SCFD2: variants seen among roughly 807,000 people sequenced by gnomAD.
SCFD2 encodes sec1 family domain containing 2.
SCFD2 carries 54 observed loss-of-function variants against 58.9 expected under a neutral mutation model. The observed-to-expected ratio is 0.92, with a 90% CI of 0.74 to 1.15. The LOEUF is 1.15. Ranked by LOEUF, SCFD2 falls within the 50% of genes most tolerant of loss-of-function variation. The pLI, the probability that SCFD2 is intolerant of heterozygous loss-of-function variation, is 0.00. For synonymous variants in SCFD2, 321 were observed against 335.9 expected (o/e 0.96, Z 0.49); for missense variants, 805 against 836.6 (o/e 0.96, Z 0.47).
In SCFD2 at chr4:52,901,880, C is replaced by T. The variant is rs114389626; in HGVS notation, c.1842+5577G>A. On this transcript the variant is annotated intron_variant, in intron 7 of 8. Coordinates refer to ENST00000401642, the MANE Select transcript of SCFD2 (RefSeq NM_152540.4). ...TCCAGCTACCCTGACTTTCCTATCG[C>T]AGAGGATTTGTTTGATGCAGATAAT... Among the ~76,000 whole-genome samples, 1,196 of 152,316 alleles carry T rather than the reference C, an allele frequency of 7.9e-3. 13 individuals are homozygous for T. Among genetic ancestry groups the T allele is most frequent in the African/African-American group, 0.025 (1,056 of 41,568 alleles).
At chr4:53,201,054 A>C (rs1230448943) in intron 4 of SCFD2, among the ~76,000 whole-genome samples, 1 of 151,740 alleles carries the variant, frequency 6.6e-6, no homozygotes, top group Non-Finnish European at 1.5e-5. Context: ...TTTAAGTTTT[A>C]GGGCACACGT....
chr4:52,899,841 G>A (rs1719136115), intron 7 of SCFD2, among the ~76,000 whole-genome samples: 1 of 152,134 alleles, frequency 6.6e-6, no homozygotes, highest in Non-Finnish European at 1.5e-5. Context: ...TGGAGGCTTT[G>A]TTCATTTCTT....
At chr4:53,122,599 A>C (rs1448329177) in intron 5 of SCFD2, among the ~76,000 whole-genome samples, 1 of 152,214 alleles carries the variant, frequency 6.6e-6, no homozygotes, top group East Asian at 1.9e-4. Context: ...ATTAGTAGGC[A>C]ATACACGCAG....
intron 5 of SCFD2, among the ~76,000 whole-genome samples, chr4:53,132,993 G>A (rs867179255): frequency 1.3e-5 from 2 of 152,138 alleles, no homozygotes; most frequent in African/African-American, 4.8e-5. Context: ...AATAAGGGAA[G>A]CATAAGAGGA....
chr4:53,085,696 A>T, intron 5 of SCFD2, among the ~76,000 whole-genome samples: 1 of 152,164 alleles, frequency 6.6e-6, no homozygotes, highest in East Asian at 1.9e-4. Flanking sequence ...CACATAGACC[A>T]ATGAAACATA....
chr4:53,229,230 A>T (rs918622158), intron 4 of SCFD2, among the ~76,000 whole-genome samples: 46 of 152,342 alleles, frequency 3.0e-4, no homozygotes, highest in African/African-American at 8.9e-4. Context: ...CATCCCCATC[A>T]AGCTACCAAT....
chr4:53,067,465 C>A (rs1425587589), intron 5 of SCFD2, among the ~76,000 whole-genome samples: 4 of 151,960 alleles, frequency 2.6e-5, no homozygotes, highest in Admixed American at 1.3e-4. Flanking sequence ...TGTGTCCCCA[C>A]CCAAATCTCA....
intron 2 of SCFD2, among the ~76,000 whole-genome samples, chr4:53,342,424 T>C (rs2149148848): frequency 6.6e-6 from 1 of 152,304 alleles, no homozygotes; most frequent in East Asian, 1.9e-4. Flanking sequence ...TAAATATATA[T>C]GCACCCAATA....
intron 8 of SCFD2, among the ~76,000 whole-genome samples, chr4:52,876,805 T>G (rs1406778055): frequency 6.6e-6 from 1 of 151,004 alleles, no homozygotes. Flanking sequence ...AGAAATCTTT[T>G]TAAATGTACA....
chr4:53,264,388 C>T (rs977593420), intron 4 of SCFD2, among the ~76,000 whole-genome samples: 1 of 152,202 alleles, frequency 6.6e-6, no homozygotes, highest in Non-Finnish European at 1.5e-5. Context: ...CCACACACTG[C>T]TCTGAGTGGG....
chr4:53,336,375 G>C (rs1328296371), intron 2 of SCFD2, among the ~76,000 whole-genome samples: 1 of 152,082 alleles, frequency 6.6e-6, no homozygotes, highest in South Asian at 2.1e-4. Flanking sequence ...ACTGCTTTTA[G>C]AGTAAAAGAA....
In SCFD2 at chr4:53,043,926, A is replaced by G. The variant is rs368677612; in HGVS notation, c.1561+101407T>C. Reference sequence around the variant, plus strand: ...CTGATTATTTGCTTCCTGTGTTTCAATAGTAAAACATGTCACAGTTAATGT... The same window carrying G: ...CTGATTATTTGCTTCCTGTGTTTCAGTAGTAAAACATGTCACAGTTAATGT... On this transcript the variant is annotated intron_variant, in intron 5 of 8. Transcript: ENST00000401642. 3.9e-5 allele frequency among the ~76,000 whole-genome samples: 6 copies of G among 152,266 alleles called. No individual in the cohort carries two copies. In the East Asian group the frequency reaches 5.8e-4, roughly 15 times the overall value.
intron 5 of SCFD2, among the ~76,000 whole-genome samples, chr4:53,130,813 G>C (rs1725766292): frequency 6.6e-6 from 1 of 152,174 alleles, no homozygotes. Context: ...TGATAGGAAA[G>C]GATGAGGTCG....
chr4:52,959,927 T>TACACACACAC (rs773748716), intron 5 of SCFD2, among the ~76,000 whole-genome samples: 8 of 116,030 alleles, frequency 6.9e-5, no homozygotes, highest in Non-Finnish European at 7.1e-5. Context: ...CACACACACT[T>TACACACACAC]GAATCACCTA....
chr4:52,989,598 C>A (rs188223218), intron 5 of SCFD2, among the ~76,000 whole-genome samples: 1 of 152,156 alleles, frequency 6.6e-6, no homozygotes, highest in Non-Finnish European at 1.5e-5. Flanking sequence ...TCAGAAATTT[C>A]TATCAGACAA....
intron 4 of SCFD2, among the ~76,000 whole-genome samples, chr4:53,254,908 TG>T (rs1350381255): frequency 2.7e-5 from 4 of 150,054 alleles, no homozygotes; most frequent in African/African-American, 9.7e-5. Context: ...AGTCTCGCTC[TG>T]TCACCCAGGC....
At chr4:52,937,768 T>G (rs892105550) in intron 5 of SCFD2, among the ~76,000 whole-genome samples, 19 of 152,136 alleles carry the variant, frequency 1.2e-4, no homozygotes, top group Admixed American at 2.0e-4. Flanking sequence ...CATGGGCACC[T>G]CTGCTGGATT....
intron 5 of SCFD2, among the ~76,000 whole-genome samples, chr4:52,931,275 A>G (rs1719987741): frequency 6.6e-6 from 1 of 152,108 alleles, no homozygotes; most frequent in Admixed American, 6.6e-5. Context: ...GGTTTGCTGG[A>G]CTCTCAGAGC....
At chr4:52,885,245 A>G (rs768724710) in intron 8 of SCFD2, among the ~76,000 whole-genome samples, 5 of 152,162 alleles carry the variant, frequency 3.3e-5, no homozygotes, top group Non-Finnish European at 5.9e-5. Context: ...TTATCCCTCC[A>G]TATCTGGAGC....
Sources: allele counts gnomAD v4.1 joint callset (sites outside exome capture counted in the v4.1 genomes callset), GRCh38; gene constraint gnomAD v4.1.1; transcripts MANE v1.5; gene names NCBI Gene and HGNC (gene_info 2026-07-23, HGNC 2026-07-21).